ENTPD6: variants seen among roughly 807,000 people sequenced by gnomAD.
The protein encoded by ENTPD6 is CD39 antigen-like 2.
A neutral mutation model predicts 61.5 loss-of-function variants in ENTPD6; 46 were observed. The ratio of observed to expected loss-of-function variants is 0.75; its 90% CI spans 0.59 to 0.96. The LOEUF (loss-of-function observed/expected upper bound fraction) is 0.96, where lower values mean the gene tolerates loss of function less well. Among genes scored for constraint, ENTPD6 ranks in the 40% least tolerant of loss-of-function variants. ENTPD6 has a pLI of 0.00. For missense variants in ENTPD6, 612 were observed against 629.0 expected, an observed-to-expected ratio of 0.97 and a Z score of 0.29; for synonymous variants, 252 against 255.5, an observed-to-expected ratio of 0.99 and a Z score of 0.13.
chr20:25,196,178 G>A, intron 1 of ENTPD6: 1 of 1,205,028 alleles, frequency 8.3e-7, no homozygotes. Context: ...CCCGCCCCCA[G>A]TCTGCGTCAG....
chr20:25,221,183 TG>T lies in ENTPD6; in HGVS notation c.944-47del, dbSNP rs768680252. 6.1e-6 allele frequency: 9 copies of T among 1,467,400 alleles called. 1 individual carries two copies. The South Asian group carries it at 1.1e-4, about 18-fold the overall frequency. The allele number at this position is 1,467,400 out of a possible 1,614,324, so 90.9% of individuals were successfully genotyped here. A position where few individuals can be genotyped will look rare whatever the true frequency, so the allele number is the denominator to read the frequency against. On this transcript the variant is annotated intron_variant, in intron 10 of 14. Coordinates refer to ENST00000376652, the MANE Select transcript of ENTPD6 (RefSeq NM_001247.5). ...CGACTCCTAGCTCAGCCCTAGTCCA[TG>T]GCGGTGATATACCTTCCTTTCTCTT...
chr20:25,196,452 G>A (rs146474355), intron 1 of ENTPD6, among the ~76,000 whole-genome samples: 1 of 152,188 alleles, frequency 6.6e-6, no homozygotes, highest in African/African-American at 2.4e-5. Context: ...ACATTCAACA[G>A]CCAGGAGAGC....
In ENTPD6 at chr20:25,221,234, A is replaced by G. The variant is rs1359200264; in HGVS notation, c.946A>G (p.Lys316Glu). The change falls in exon 11 of 15, where the codon AAG becomes GAG. Residue 316 changes from lysine to glutamate, a missense_variant and splice_region_variant. Coordinates refer to ENST00000376652, the MANE Select transcript of ENTPD6 (RefSeq NM_001247.5). ...TTCCTTTTTAATCTCTGTTTCAGCT[A>G]AGGATGGAAAGGAGTTGGTCAGCCC... ...ILGGVEGQPA[K>E]DGKELVSPCL... The G allele has an allele frequency of 2.5e-6, 4 of 1,611,310 alleles. No homozygotes were observed. The highest frequency in any genetic ancestry group is 2.2e-5 in the East Asian group (1 of 44,838).
Position 25,195,782 on chromosome 20 carries a change from G to A in ENTPD6, c.-101G>A. Reference sequence around the variant, plus strand: ...GGAGGCCGGGGTGGCGCCGGCCGGGGCGGGGGAGCCCAAAAGACCGGCTGC... The same window carrying A: ...GGAGGCCGGGGTGGCGCCGGCCGGGACGGGGGAGCCCAAAAGACCGGCTGC... On this transcript the variant is annotated 5_prime_UTR_variant, in exon 1 of 15. Coordinates refer to ENST00000376652, the MANE Select transcript of ENTPD6 (RefSeq NM_001247.5). The A allele has an allele frequency of 1.7e-6, 2 of 1,155,538 alleles. No homozygotes were observed. The highest frequency in any genetic ancestry group is 2.2e-6 in the Non-Finnish European group (2 of 911,024). The allele number at this position is 1,155,538 out of a possible 1,614,324, so 71.6% of individuals were successfully genotyped here. A position where few individuals can be genotyped will look rare whatever the true frequency, so the allele number is the denominator to read the frequency against.
At chr20:25,205,477 G>T (rs2091404069) in intron 1 of ENTPD6, among the ~76,000 whole-genome samples, 1 of 152,166 alleles carries the variant, frequency 6.6e-6, no homozygotes, top group South Asian at 2.1e-4. Flanking sequence ...TGTGGGCAAG[G>T]ACGAAAGAGG....
chr20:25,214,564 GGTGGATTAACTTGCAATGGATTAGA>G (rs2092203358), intron 5 of ENTPD6: 1 of 333,884 alleles, frequency 3.0e-6, no homozygotes, highest in Non-Finnish European at 5.7e-6. Flanking sequence ...GAGCCCGGGC[GGTGGATTAACTTGCAATGGATTAGA>G]GAGGCCTGAA....
chr20:25,225,278 A>G lies in ENTPD6; in HGVS notation c.1317A>G (p.Leu439=). The part of the protein sequence containing the change: ...SCMDLTYVSL[L]LQEFGFPRSK... Reference sequence around the variant, plus strand: ...TGGACCTCACCTACGTCAGCCTGCTACTCCAGGAGTTCGGCTTTCCCAGGA... The same window carrying G: ...TGGACCTCACCTACGTCAGCCTGCTGCTCCAGGAGTTCGGCTTTCCCAGGA... The change falls in exon 14 of 15, where the codon CTA becomes CTG. Residue 439 remains leucine (L), a synonymous_variant. Transcript: ENST00000376652. The G allele has an allele frequency of 1.2e-6, 2 of 1,613,276 alleles. No homozygotes were observed. The highest frequency in any genetic ancestry group is 8.5e-7 in the Non-Finnish European group (1 of 1,179,890).
chr20:25,220,184 C>A (rs1731219969), intron 10 of ENTPD6, among the ~76,000 whole-genome samples: 1 of 152,140 alleles, frequency 6.6e-6, no homozygotes, highest in African/African-American at 2.4e-5. Flanking sequence ...CGTAACAGAC[C>A]CCCCAAGTAG....
At chr20:25,218,466 C>G in intron 9 of ENTPD6, 84 bp from the exon 10 acceptor site, 1 of 1,285,372 alleles carries the variant, frequency 7.8e-7, no homozygotes, top group Non-Finnish European at 1.1e-6. Context: ...CCCCCTTCCC[C>G]ACTCGGGCTG....
At chr20:25,201,004 G>A (rs1212934686) in intron 1 of ENTPD6, among the ~76,000 whole-genome samples, 1 of 152,142 alleles carries the variant, frequency 6.6e-6, no homozygotes, top group Non-Finnish European at 1.5e-5. Context: ...TTGGAAGGTT[G>A]TGTTTTTGTT....
At chr20:25,223,316 C>T (rs2092699548) in intron 12 of ENTPD6, among the ~76,000 whole-genome samples, 2 of 152,148 alleles carry the variant, frequency 1.3e-5, no homozygotes, top group Non-Finnish European at 2.9e-5. Flanking sequence ...CTGTGACCTG[C>T]AGGTGGCTGC....
chr20:25,196,900 C>T (rs1471669200), intron 1 of ENTPD6, among the ~76,000 whole-genome samples: 1 of 152,038 alleles, frequency 6.6e-6, no homozygotes, highest in Non-Finnish European at 1.5e-5. Flanking sequence ...CCTGAAGGTT[C>T]GGGTAAAGGA....
At position 25,218,623 on chromosome 20, in the gene ENTPD6, A is replaced by G. The variant is rs1279931863; in HGVS notation, c.943+9A>G. 1.3e-6 allele frequency: 2 copies of G among 1,597,554 alleles called. No individual in the cohort carries two copies. The highest frequency in any genetic ancestry group is 1.7e-6 in the Non-Finnish European group (2 of 1,174,918). On this transcript the variant is annotated intron_variant, in intron 10 of 14. Transcript: ENST00000376652. ...CGTGGAGGGGCAGCCTGGTGAGTGG[A>G]CATGTTGCCCCGGGCCCACTTTCAC...
At position 25,227,838 on chromosome 20, in the gene ENTPD6, G is replaced by A. The variant is rs2092821413; in HGVS notation, c.*2241G>A. ...CTTCAATCCTACTGGACAAGCATCGGTGCTGGCCTCCCCCATGTCCTAACA... is the reference window on the plus strand; with the variant it reads ...CTTCAATCCTACTGGACAAGCATCGATGCTGGCCTCCCCCATGTCCTAACA... On this transcript the variant is annotated 3_prime_UTR_variant, in exon 15 of 15. Transcript: ENST00000376652. 1.3e-5 allele frequency among the ~76,000 whole-genome samples: 2 copies of A among 152,248 alleles called. No homozygotes were observed. The highest frequency in any genetic ancestry group is 2.9e-5 in the Non-Finnish European group (2 of 68,038).
intron 2 of ENTPD6, 127 bp from the exon 3 acceptor site, chr20:25,206,949 T>A: frequency 1.2e-6 from 1 of 826,886 alleles, no homozygotes. Context: ...ATGAAGCTTC[T>A]GATTCCTGGG....
At chr20:25,204,835 A>C (rs1237196408) in intron 1 of ENTPD6, among the ~76,000 whole-genome samples, 2 of 152,030 alleles carry the variant, frequency 1.3e-5, no homozygotes, top group Non-Finnish European at 2.9e-5. Flanking sequence ...AACACCTCAG[A>C]GTTCCTGACA....
intron 1 of ENTPD6, among the ~76,000 whole-genome samples, chr20:25,197,655 T>C (rs1428273068): frequency 6.6e-6 from 1 of 152,142 alleles, no homozygotes; most frequent in Non-Finnish European, 1.5e-5. Flanking sequence ...CACAGGTACA[T>C]GGAGATGACC....
rs147291794 is a variant in ENTPD6 at position 25,206,575 on chromosome 20, G to T, written c.39G>T (p.Thr13=). The T allele has an allele frequency of 6.2e-7, 1 of 1,613,570 alleles. No homozygotes were observed. Among genetic ancestry groups the T allele is most frequent in the African/African-American group, 1.3e-5 (1 of 75,036 alleles). ...TCCGTTATGAAACTTCCAGAAAAACGAGCTACATTTTTCAGGTTTGTCTGG... is the reference window on the plus strand; with the variant it reads ...TCCGTTATGAAACTTCCAGAAAAACTAGCTACATTTTTCAGGTTTGTCTGG... ...KGIRYETSRK[T]SYIFQQPQHG... is the part of the protein sequence containing the mutation. The change falls in exon 2 of 15, where the codon ACG becomes ACT. Residue 13 remains threonine (T), a synonymous_variant. Transcript: ENST00000376652.
At chr20:25,214,172 C>T (rs138939690) in intron 5 of ENTPD6, among the ~76,000 whole-genome samples, 79 of 152,336 alleles carry the variant, frequency 5.2e-4, no homozygotes, top group African/African-American at 1.8e-3. Context: ...CCCAGCATTC[C>T]GCAGTGGGTC....
Sources: allele counts gnomAD v4.1 joint callset (sites outside exome capture counted in the v4.1 genomes callset), GRCh38; gene constraint gnomAD v4.1.1; transcripts MANE v1.5; gene names NCBI Gene and HGNC (gene_info 2026-07-23, HGNC 2026-07-21).